Variants in NELL1 observed in about 807,000 individuals in gnomAD.
NELL1 encodes protein kinase C-binding protein NELL1.
In NELL1, 76 loss-of-function variants were observed where a neutral mutation model predicts 107.4. The ratio of observed to expected loss-of-function variants is 0.71; its 90% CI spans 0.59 to 0.86. The LOEUF is 0.86. NELL1 is among the 40% of genes least tolerant of loss of function. The pLI is 0.00. For synonymous variants in NELL1, 353 were observed against 341.2 expected (o/e 1.03, Z -0.38); for missense variants, 1,024 against 1,005.5 (o/e 1.02, Z -0.25).
chr11:21,358,323 G>A (rs1033007255), intron 14 of NELL1, among the ~76,000 whole-genome samples: 12 of 152,136 alleles, frequency 7.9e-5, no homozygotes, highest in African/African-American at 2.9e-4. Context: ...ATTTCTTTCA[G>A]CAATGTTTTG....
chr11:21,553,789 T>C (rs1856644404), intron 16 of NELL1, among the ~76,000 whole-genome samples: 1 of 151,840 alleles, frequency 6.6e-6, no homozygotes, highest in African/African-American at 2.4e-5. Context: ...ATAGAAAAGA[T>C]AGAATGCTTA....
intron 15 of NELL1, among the ~76,000 whole-genome samples, chr11:21,396,800 T>G (rs1851992135): frequency 6.6e-6 from 1 of 151,472 alleles, no homozygotes; most frequent in Non-Finnish European, 1.5e-5. Flanking sequence ...TAGACATATC[T>G]AACTCAAACT....
chr11:20,998,146 A>G, intron 12 of NELL1, among the ~76,000 whole-genome samples: 1 of 152,310 alleles, frequency 6.6e-6, no homozygotes, highest in South Asian at 2.1e-4. Context: ...TAAAAATTAT[A>G]AGAATATTAA....
intron 2 of NELL1, among the ~76,000 whole-genome samples, chr11:20,710,336 G>A (rs955068885): frequency 6.6e-6 from 1 of 152,148 alleles, no homozygotes; most frequent in Non-Finnish European, 1.5e-5. Context: ...TTGTCTGTGT[G>A]ATGTAGCACA....
rs776997576 is a variant in NELL1, at chr11:21,560,096, G to A, written c.1787-93G>A. 4.1e-5 allele frequency: 49 copies of A among 1,186,832 alleles called. No homozygotes were observed. The African/African-American group carries it at 5.5e-4, about 13-fold the overall frequency. 73.5% of individuals were successfully genotyped at this position (1,186,832 alleles called of 1,614,324 possible). A position where few individuals can be genotyped will look rare whatever the true frequency, so the allele number is the denominator to read the frequency against. On this transcript the variant is annotated intron_variant, in intron 16 of 19. Coordinates refer to ENST00000357134, the MANE Select transcript of NELL1 (RefSeq NM_006157.5). ...AGTACCTAGCACAAGGTAAATGGTC[G>A]ATGATGTTAGTTAATGCTACTGCAA...
At chr11:21,013,218 G>A (rs1269782278) in intron 12 of NELL1, among the ~76,000 whole-genome samples, 4 of 152,108 alleles carry the variant, frequency 2.6e-5, no homozygotes, top group African/African-American at 7.2e-5. Flanking sequence ...TTTTTGCAAA[G>A]GCAATTTCAT....
chr11:21,565,364 C>T (rs141883200), intron 17 of NELL1, among the ~76,000 whole-genome samples: 20 of 151,944 alleles, frequency 1.3e-4, no homozygotes, highest in African/African-American at 3.9e-4. Flanking sequence ...GGAGCTTGAA[C>T]GTTACACCAT....
intron 14 of NELL1, among the ~76,000 whole-genome samples, chr11:21,300,878 A>G (rs887601950): frequency 6.6e-6 from 1 of 151,960 alleles, no homozygotes; most frequent in African/African-American, 2.4e-5. Context: ...CATTAGGTAT[A>G]TCTCCTAATG....
intron 16 of NELL1, among the ~76,000 whole-genome samples, chr11:21,542,821 G>A (rs1856324514): frequency 6.6e-6 from 1 of 151,942 alleles, no homozygotes; most frequent in African/African-American, 2.4e-5. Context: ...ATGTTCAAGA[G>A]TTATTTAAAA....
chr11:21,298,675 C>T (rs1849426080), intron 14 of NELL1, among the ~76,000 whole-genome samples: 1 of 151,964 alleles, frequency 6.6e-6, no homozygotes, highest in Non-Finnish European at 1.5e-5. Flanking sequence ...TATGGTAATT[C>T]CCATTACCAC....
In NELL1 at chr11:21,568,781, A is replaced by T. The variant is rs1037302992; in HGVS notation, c.1981-1983A>T. 2.6e-5 allele frequency among the ~76,000 whole-genome samples: 4 copies of T among 151,816 alleles called. No homozygotes were observed. In the South Asian group the frequency reaches 8.3e-4, roughly 32 times the overall value. Reference sequence around the variant, plus strand: ...CACTTGAAGGTCTTCAGGGACAATAACACGCACAGAGCTATCATCTCTTAT... The same window carrying T: ...CACTTGAAGGTCTTCAGGGACAATATCACGCACAGAGCTATCATCTCTTAT... On this transcript the variant is annotated intron_variant, in intron 17 of 19. Coordinates refer to ENST00000357134, the MANE Select transcript of NELL1 (RefSeq NM_006157.5).
chr11:21,371,206 C>T (rs1851352598), intron 15 of NELL1, among the ~76,000 whole-genome samples: 3 of 152,060 alleles, frequency 2.0e-5, no homozygotes, highest in Non-Finnish European at 4.4e-5. Context: ...GCTCAGTGTG[C>T]ATTTTTAGTG....
intron 15 of NELL1, among the ~76,000 whole-genome samples, chr11:21,501,304 A>C (rs1221017690): frequency 1.3e-5 from 2 of 152,146 alleles, no homozygotes; most frequent in Non-Finnish European, 2.9e-5. Flanking sequence ...TTCTTATTCA[A>C]TCTGAAAAGC....
At position 20,905,812 on chromosome 11, in the gene NELL1, T is replaced by C. The variant is rs542571509; in HGVS notation, c.604-12370T>C. Among the ~76,000 whole-genome samples, 26 of 152,200 alleles carry C rather than the reference T, an allele frequency of 1.7e-4. 1 individual carries two copies. Among genetic ancestry groups the C allele is most frequent in the Admixed American group, 1.2e-3 (19 of 15,274 alleles). Reference sequence around the variant, plus strand: ...ATCTGTAGGACATTATCAAATAGACTAATGTATGCACCGGGGGTGTCTCAG... The same window carrying C: ...ATCTGTAGGACATTATCAAATAGACCAATGTATGCACCGGGGGTGTCTCAG... On this transcript the variant is annotated intron_variant, in intron 5 of 19. Coordinates refer to ENST00000357134, the MANE Select transcript of NELL1 (RefSeq NM_006157.5).
At chr11:21,080,894 C>T (rs1854251170) in intron 12 of NELL1, among the ~76,000 whole-genome samples, 1 of 150,726 alleles carries the variant, frequency 6.6e-6, no homozygotes, top group Admixed American at 6.6e-5. Context: ...ATATTACATA[C>T]ACACACACAC....
intron 4 of NELL1, among the ~76,000 whole-genome samples, chr11:20,877,489 A>G (rs1202980808): frequency 6.6e-6 from 1 of 152,234 alleles, no homozygotes; most frequent in East Asian, 1.9e-4. Context: ...TTGAACCACC[A>G]CACTGCTTTG....
At chr11:21,314,611 T>A (rs910236383) in intron 14 of NELL1, among the ~76,000 whole-genome samples, 3 of 152,202 alleles carry the variant, frequency 2.0e-5, no homozygotes, top group Admixed American at 2.0e-4. Flanking sequence ...CCTGCCCTTA[T>A]GCAGCCAGTA....
At chr11:21,557,723 A>T (rs1856754657) in intron 16 of NELL1, among the ~76,000 whole-genome samples, 1 of 152,030 alleles carries the variant, frequency 6.6e-6, no homozygotes, top group African/African-American at 2.4e-5. Context: ...AGAACTCAAC[A>T]ACAAAATGTG....
At chr11:21,097,991 AG>A (rs1036469906) in intron 12 of NELL1, among the ~76,000 whole-genome samples, 40 of 151,246 alleles carry the variant, frequency 2.6e-4, no homozygotes, top group South Asian at 1.9e-3. Flanking sequence ...AAAAAAAAAA[AG>A]CTACCCTGAT....
Sources: allele counts gnomAD v4.1 joint callset (sites outside exome capture counted in the v4.1 genomes callset), GRCh38; gene constraint gnomAD v4.1.1; transcripts MANE v1.5; gene names NCBI Gene and HGNC (gene_info 2026-07-23, HGNC 2026-07-21).